The following SGCD variants were observed in gnomAD, a reference collection of about 807,000 sequenced individuals.
SGCD encodes the protein delta-sarcoglycan.
A neutral mutation model predicts 36.6 loss-of-function variants in SGCD; 18 were observed. The ratio of observed to expected loss-of-function variants is 0.49; its 90% confidence interval spans 0.34 to 0.73. The LOEUF (loss-of-function observed/expected upper bound fraction) is 0.73, where lower values mean the gene tolerates loss of function less well. Ranked by LOEUF, SGCD falls within the 30% of genes least tolerant of loss-of-function variation. SGCD has a pLI of 0.01. For synonymous variants in SGCD, 133 were observed against 130.6 expected (o/e 1.02, Z -0.12); for missense variants, 387 against 346.7 (o/e 1.12, Z -0.92).
chr5:156,581,493 C>A (rs1760254702), intron 4 of SGCD, among the ~76,000 whole-genome samples: 1 of 152,230 alleles, frequency 6.6e-6, no homozygotes, highest in Admixed American at 6.5e-5. Flanking sequence ...AAAGTTTCTG[C>A]TGCCTTTTTT....
chr5:156,744,291 T>C (rs901185426), intron 7 of SGCD, among the ~76,000 whole-genome samples: 10 of 152,230 alleles, frequency 6.6e-5, no homozygotes, highest in Non-Finnish European at 1.5e-4. Flanking sequence ...GAATGCAGCA[T>C]CTGCCATACT....
intron 4 of SGCD, among the ~76,000 whole-genome samples, chr5:156,516,088 C>A (rs1401275628): frequency 2.0e-5 from 3 of 152,252 alleles, no homozygotes; most frequent in African/African-American, 7.2e-5. Flanking sequence ...TCTTTCCTGC[C>A]TGCTGGCTCT....
intron 3 of SGCD, among the ~76,000 whole-genome samples, chr5:156,403,401 G>C (rs564511191): frequency 6.6e-6 from 1 of 152,324 alleles, no homozygotes; most frequent in East Asian, 1.9e-4. Context: ...GCACTGGGGA[G>C]TTCTAATCTC....
intron 3 of SGCD, among the ~76,000 whole-genome samples, chr5:156,423,272 ACATTATATTATATTTTAT>A (rs1773455644): frequency 1.7e-4 from 1 of 5,818 alleles, no homozygotes; most frequent in African/African-American, 4.6e-4. Flanking sequence ...TTATAATATA[ACATTATATTATATTTTAT>A]TATAATATAA....
chr5:155,916,994 A>G (rs905534159), intron 1 of SGCD, among the ~76,000 whole-genome samples: 1 of 152,160 alleles, frequency 6.6e-6, no homozygotes, highest in Non-Finnish European at 1.5e-5. Context: ...TTGCTCTCCT[A>G]TAATTTCTCC....
chr5:156,564,374 C>T (rs111811162), intron 4 of SGCD, among the ~76,000 whole-genome samples: 4,713 of 152,136 alleles, frequency 0.031, 252 homozygotes, highest in African/African-American at 0.11. Context: ...GGCATGAACC[C>T]GGGAGGCGGA....
chr5:156,628,029 C>A (rs965027474), intron 6 of SGCD, among the ~76,000 whole-genome samples: 2 of 152,098 alleles, frequency 1.3e-5, no homozygotes, highest in Admixed American at 1.3e-4. Flanking sequence ...ATGATCCTGG[C>A]ATCTGCTCAG....
At chr5:156,384,012 T>C (rs1299255802) in intron 3 of SGCD, among the ~76,000 whole-genome samples, 1 of 152,176 alleles carries the variant, frequency 6.6e-6, no homozygotes, top group Non-Finnish European at 1.5e-5. Flanking sequence ...GCTGTTTAAA[T>C]TGTGTTCATG....
intron 3 of SGCD, among the ~76,000 whole-genome samples, chr5:156,312,676 C>T (rs1258979005): frequency 6.6e-6 from 1 of 152,120 alleles, no homozygotes. Flanking sequence ...GCTATGTAAC[C>T]TCTCTGTACC....
chr5:156,029,582 G>A (rs1411920668), intron 1 of SGCD, among the ~76,000 whole-genome samples: 1 of 152,076 alleles, frequency 6.6e-6, no homozygotes, highest in Non-Finnish European at 1.5e-5. Flanking sequence ...GGGCATATTC[G>A]GCTGCCAATT....
At chr5:156,244,103 G>C (rs995703625) in intron 3 of SGCD, among the ~76,000 whole-genome samples, 14 of 152,134 alleles carry the variant, frequency 9.2e-5, no homozygotes, top group Admixed American at 7.9e-4. Context: ...GTGCTACCTG[G>C]TAAAATGCAG....
At chr5:156,728,468 G>A (rs1253890014) in intron 7 of SGCD, among the ~76,000 whole-genome samples, 13 of 115,070 alleles carry the variant, frequency 1.1e-4, no homozygotes, top group Middle Eastern at 9.1e-3. Context: ...CCGAGTTTGC[G>A]CCACTGCACT....
intron 4 of SGCD, among the ~76,000 whole-genome samples, chr5:156,533,806 A>T (rs1463600061): frequency 6.6e-6 from 1 of 152,172 alleles, no homozygotes; most frequent in Non-Finnish European, 1.5e-5. Flanking sequence ...TTTGCCTTAT[A>T]AAATTCTTCT....
At chr5:155,768,935 A>C in the SGCD span, among the ~76,000 whole-genome samples, 2 of 152,150 alleles carry the variant, frequency 1.3e-5, no homozygotes, top group African/African-American at 4.8e-5. Flanking sequence ...GAGACAACCA[A>C]ATTGCTGCAA....
At chr5:156,318,206 A>C (rs1191729544) in intron 3 of SGCD, among the ~76,000 whole-genome samples, 3 of 152,218 alleles carry the variant, frequency 2.0e-5, no homozygotes, top group African/African-American at 7.2e-5. Flanking sequence ...TATCACATGC[A>C]TAGGAATAGC....
chr5:156,008,486 C>G (rs751939030), intron 1 of SGCD, among the ~76,000 whole-genome samples: 12 of 152,146 alleles, frequency 7.9e-5, no homozygotes, highest in Non-Finnish European at 1.8e-4. Flanking sequence ...AGTGATCCTG[C>G]CTCCTTAGCC....
At chr5:156,061,489 G>A (rs563365219) in intron 1 of SGCD, among the ~76,000 whole-genome samples, 4 of 145,884 alleles carry the variant, frequency 2.7e-5, no homozygotes, top group Admixed American at 6.8e-5. Context: ...ACCAGGATTC[G>A]ACTTAGCTTG....
the SGCD span, among the ~76,000 whole-genome samples, chr5:155,731,604 T>C: frequency 2.0e-5 from 3 of 152,228 alleles, no homozygotes; most frequent in Non-Finnish European, 4.4e-5. Flanking sequence ...AATGCACACA[T>C]GCATAAATGC....
the SGCD span, among the ~76,000 whole-genome samples, chr5:155,791,098 A>G: frequency 4.6e-5 from 7 of 152,152 alleles, no homozygotes; most frequent in African/African-American, 1.7e-4. Context: ...AATCATGATG[A>G]TTAGAATGGC....
Sources: gnomAD v4.1 joint callset for allele counts (sites outside exome capture counted in the v4.1 genomes callset) on GRCh38, gnomAD v4.1.1 for gene constraint, MANE v1.5 for transcripts, NCBI Gene and HGNC (gene_info 2026-07-23, HGNC 2026-07-21) for gene names.